The following TNS1 variants were observed in gnomAD, a reference collection of about 807,000 sequenced individuals.
TNS1 encodes tensin-1.
A neutral mutation model predicts 168.6 loss-of-function variants in TNS1; 62 were observed. That is an observed-to-expected ratio of 0.37 (90% CI 0.30 to 0.45). The LOEUF is 0.45. Among genes scored for constraint, TNS1 ranks in the 20% least tolerant of loss-of-function variants. The pLI, the probability that TNS1 is intolerant of heterozygous loss-of-function variation, is 1.00. For synonymous variants in TNS1, 934 were observed against 933.2 expected, an observed-to-expected ratio of 1.00 and a Z score of -0.02; for missense variants, 2,240 against 2,339.4, an observed-to-expected ratio of 0.96 and a Z score of 0.88.
intron 4 of TNS1, among the ~76,000 whole-genome samples, chr2:217,907,527 A>T (rs1953856625): frequency 6.6e-6 from 1 of 152,244 alleles, no homozygotes; most frequent in Non-Finnish European, 1.5e-5. Context: ...TGGTTCATAC[A>T]GTTGCTGACC....
chr2:217,978,901 G>C lies in TNS1; in HGVS notation c.149-99C>G, dbSNP rs73080355. The stretch of plus-strand genomic sequence containing the variant: ...CCACCCCAGCCCGCAATCCGCGCTC[G>C]GGAAGGAAGGAGGGAAGGAGGGACG... On this transcript the variant is annotated intron_variant, in intron 2 of 32. Coordinates refer to ENST00000682258, the MANE Select transcript of TNS1 (RefSeq NM_001387777.1). 44 of 693,714 alleles carry C rather than the reference G, an allele frequency of 6.3e-5. No homozygotes were observed. The East Asian group carries it at 1.0e-3, about 16-fold the overall frequency. 43.0% of individuals were successfully genotyped at this position (693,714 alleles called of 1,614,324 possible). A position where few individuals can be genotyped will look rare whatever the true frequency, so the allele number is the denominator to read the frequency against.
intron 32 of TNS1, among the ~76,000 whole-genome samples, chr2:217,806,544 C>T (rs987459091): frequency 2.0e-5 from 3 of 152,182 alleles, no homozygotes; most frequent in African/African-American, 4.8e-5. Context: ...CTTCTTCCCT[C>T]GCAGGGCCCT....
intron 12 of TNS1, among the ~76,000 whole-genome samples, chr2:217,889,945 A>G (rs143677833): frequency 6.6e-6 from 1 of 152,322 alleles, no homozygotes; most frequent in East Asian, 1.9e-4. Context: ...CTTCCTGTGC[A>G]TGAGATGTCT....
At chr2:217,865,440 A>G (rs1245349593) in intron 18 of TNS1, among the ~76,000 whole-genome samples, 2 of 152,240 alleles carry the variant, frequency 1.3e-5, no homozygotes. Flanking sequence ...CAATGTGCAG[A>G]CAGAGAGAGG....
chr2:218,000,700 G>A (rs1403688319), intron 1 of TNS1, among the ~76,000 whole-genome samples: 1 of 151,844 alleles, frequency 6.6e-6, no homozygotes, highest in African/African-American at 2.4e-5. Context: ...TTTGAGCCTA[G>A]TCCTATCTGG....
intron 3 of TNS1, among the ~76,000 whole-genome samples, chr2:217,974,120 A>AT (rs1957834396): frequency 6.6e-6 from 1 of 152,184 alleles, no homozygotes; most frequent in Non-Finnish European, 1.5e-5. Context: ...GATAGCAATT[A>AT]CCTTTGGGGT....
chr2:217,892,955 A>G lies in TNS1; in HGVS notation c.775T>C (p.Ser259Pro). ...IAAYMHYSNI[S>P]ASADQALDRF... ...GCTCCAGGCCCCTCTTACCTGGCAG[A>G]AATGTTGCTGTAGTGCATGTAAGCC... The change falls in exon 11 of 33, where the codon TCT becomes CCT. Residue 259 changes from serine to proline, a missense_variant. Transcript: ENST00000682258. The G allele has an allele frequency of 1.2e-6, 2 of 1,614,176 alleles. No homozygotes were observed. Among genetic ancestry groups the G allele is most frequent in the Non-Finnish European group, 1.7e-6 (2 of 1,180,010 alleles).
intron 11 of TNS1, among the ~76,000 whole-genome samples, 169 bp downstream of exon 11, chr2:217,892,778 TC>T (rs1276034058): frequency 6.6e-6 from 1 of 152,026 alleles, no homozygotes; most frequent in Non-Finnish European, 1.5e-5. Context: ...CCGCCCTCTG[TC>T]CACAGGCTCC....
intron 3 of TNS1, among the ~76,000 whole-genome samples, chr2:217,930,158 C>T (rs917418278): frequency 7.2e-5 from 11 of 152,226 alleles, no homozygotes; most frequent in African/African-American, 1.9e-4. Flanking sequence ...TCATTCAATA[C>T]GGCGCACTCT....
intron 4 of TNS1, among the ~76,000 whole-genome samples, chr2:217,914,201 C>T (rs1010806926): frequency 1.3e-5 from 2 of 152,214 alleles, no homozygotes; most frequent in African/African-American, 2.4e-5. Context: ...CACCTCTGGT[C>T]AAAACCCCAG....
rs374099297 is a variant in TNS1 at position 217,821,763 on chromosome 2, G to A, written c.3549C>T (p.Ser1183=). Residue 1183 remains serine (S), a synonymous_variant, in exon 23 of 33, where the codon AGC becomes AGT. Coordinates refer to ENST00000682258, the MANE Select transcript of TNS1 (RefSeq NM_001387777.1). The part of the protein sequence containing the change: ...SFVSPSPLST[S]SPILSADSTS... ...ACCTGTCAGCACTGAGGATGGGGCT[G>A]CTGGTGGAGAGGGGGCTGGGGGAGA... is the stretch of plus-strand genomic sequence containing the variant. 2.1e-4 allele frequency: 308 copies of A among 1,498,874 alleles called. No individual in the cohort carries two copies. The highest frequency in any genetic ancestry group is 2.3e-4 in the Non-Finnish European group (264 of 1,127,356). 92.8% of individuals were successfully genotyped at this position (1,498,874 alleles called of 1,614,324 possible).
In TNS1 at chr2:217,813,209, G is replaced by A. The variant is rs774600378; in HGVS notation, c.4954+6C>T. On this transcript the variant is annotated splice_donor_region_variant and intron_variant, in intron 27 of 32. Coordinates refer to ENST00000682258, the MANE Select transcript of TNS1 (RefSeq NM_001387777.1). This position sits in a 1 kb window ranked among gnomAD's most constrained non-coding sequence, Gnocchi z 4.0. Reference sequence around the variant, plus strand: ...CTGTAGAGATGGGGGCAGGGGGACAGCTCACCGAAGTTTGGCTCATTGGGG... The same window carrying A: ...CTGTAGAGATGGGGGCAGGGGGACAACTCACCGAAGTTTGGCTCATTGGGG... 5 of 1,597,244 alleles carry A rather than the reference G, an allele frequency of 3.1e-6. No homozygotes were observed. In the African/African-American group the frequency reaches 6.7e-5, roughly 21 times the overall value.
intron 19 of TNS1, among the ~76,000 whole-genome samples, chr2:217,839,556 A>G (rs1945652459): frequency 6.6e-6 from 1 of 152,090 alleles, no homozygotes; most frequent in South Asian, 2.1e-4. Context: ...CATCTGACAC[A>G]CACACGCACA....
chr2:217,826,732 G>A (rs141993615), intron 22 of TNS1, among the ~76,000 whole-genome samples: 224 of 152,318 alleles, frequency 1.5e-3, no homozygotes, highest in African/African-American at 5.1e-3. Context: ...TGGGCAGGGC[G>A]GGAGAGGTGG....
At chr2:218,010,160 G>C in exon 1 of TNS1, 2 of 399,224 alleles carry the variant, frequency 5.0e-6, no homozygotes, top group Middle Eastern at 6.3e-4. Context: ...TGCCCCATCG[G>C]ATCACGCAGG....
At position 217,800,757 on chromosome 2, in the gene TNS1, A is replaced by T. The variant is rs1445924614; in HGVS notation, c.*3702T>A. Reference sequence around the variant, plus strand: ...CCCAGGTCCTAAAGCTGAAAAAAAAAGTGGGAGAAGATCCAGGAGGCAGGG... The same window carrying T: ...CCCAGGTCCTAAAGCTGAAAAAAAATGTGGGAGAAGATCCAGGAGGCAGGG... On this transcript the variant is annotated 3_prime_UTR_variant, in exon 33 of 33. Coordinates refer to ENST00000682258, the MANE Select transcript of TNS1 (RefSeq NM_001387777.1). 1 of 152,128 alleles carries T rather than the reference A, an allele frequency of 6.6e-6. No homozygotes were observed. Among genetic ancestry groups the T allele is most frequent in the Non-Finnish European group, 1.5e-5 (1 of 68,060 alleles). The allele number at this position is 152,128 out of a possible 1,614,324, so 9.4% of individuals were successfully genotyped here. A position where few individuals can be genotyped will look rare whatever the true frequency, so the allele number is the denominator to read the frequency against.
intron 28 of TNS1, among the ~76,000 whole-genome samples, chr2:217,810,878 A>G (rs62183754): frequency 3.7e-5 from 5 of 133,564 alleles, no homozygotes; most frequent in African/African-American, 1.6e-4. Flanking sequence ...CATGGTACAT[A>G]ATTTTTTTTT....
At chr2:217,924,998 G>A (rs1955939066) in intron 3 of TNS1, among the ~76,000 whole-genome samples, 1 of 152,116 alleles carries the variant, frequency 6.6e-6, no homozygotes, top group African/African-American at 2.4e-5. Flanking sequence ...AGCAATATGT[G>A]TTTGTACATT....
chr2:218,010,308 A>ACCCTGTCCCGGGTCT (rs1364503342), exon 1 of TNS1: 1 of 395,934 alleles, frequency 2.5e-6, no homozygotes, highest in African/African-American at 2.1e-5. Context: ...GCCCTGCCCT[A>ACCCTGTCCCGGGTCT]CCCTGTCCCG....
Sources: allele counts gnomAD v4.1 joint callset (sites outside exome capture counted in the v4.1 genomes callset), GRCh38; gene constraint gnomAD v4.1.1; non-coding constraint Gnocchi (gnomAD v3.1); transcripts MANE v1.5; gene names NCBI Gene and HGNC (gene_info 2026-07-23, HGNC 2026-07-21).